DGUOK: variants seen among roughly 807,000 people sequenced by gnomAD.
The protein encoded by DGUOK is deoxyguanosine kinase, also known as deoxyguanosine kinase, mitochondrial.
A neutral mutation model predicts 36.6 loss-of-function variants in DGUOK; 30 were observed. That is an observed-to-expected ratio of 0.82 (90% CI 0.61 to 1.11). DGUOK has a LOEUF of 1.11. Ranked by LOEUF, DGUOK falls within the 50% of genes most tolerant of loss-of-function variation. The probability of loss-of-function intolerance (pLI) is 0.00; values close to 1 mark genes in which losing one functional copy is unlikely to be tolerated. For synonymous variants in DGUOK, 145 were observed against 126.3 expected (o/e 1.15, Z -0.99); for missense variants, 361 against 336.4 (o/e 1.07, Z -0.57).
intron 1 of DGUOK, among the ~76,000 whole-genome samples, chr2:73,930,794 CTTT>C (rs1028341314): frequency 0.022 from 798 of 35,666 alleles, 5 homozygotes; most frequent in Non-Finnish European, 0.049. Flanking sequence ...TTTTTTTTTT[CTTT>C]TTTTTTTTTT....
intron 1 of DGUOK, among the ~76,000 whole-genome samples, chr2:73,930,794 CTT>C (rs1028341314): frequency 3.3e-3 from 119 of 35,686 alleles, no homozygotes; most frequent in African/African-American, 7.6e-3. Context: ...TTTTTTTTTT[CTT>C]TTTTTTTTTT....
At chr2:73,929,487 G>A (rs1200708831) in intron 1 of DGUOK, among the ~76,000 whole-genome samples, 1 of 152,100 alleles carries the variant, frequency 6.6e-6, no homozygotes, top group African/African-American at 2.4e-5. Flanking sequence ...TCAGAATTAG[G>A]GTCTCCCCGG....
intron 1 of DGUOK, among the ~76,000 whole-genome samples, chr2:73,937,980 A>G (rs568259772): frequency 1.3e-5 from 2 of 152,232 alleles, no homozygotes; most frequent in African/African-American, 2.4e-5. Flanking sequence ...TAATTTTCCT[A>G]CTTAAAACCA....
intron 2 of DGUOK, 78 bp from the exon 3 acceptor site, chr2:73,946,641 G>T: frequency 7.9e-7 from 1 of 1,267,608 alleles, no homozygotes; most frequent in South Asian, 1.2e-5. Flanking sequence ...GGGAGGTAGG[G>T]GTGTGTGTGG....
intron 1 of DGUOK, among the ~76,000 whole-genome samples, chr2:73,930,090 A>G (rs1378439378): frequency 6.6e-6 from 1 of 152,226 alleles, no homozygotes. Context: ...AGTCTTAGCT[A>G]GGAGCACAAT....
At chr2:73,948,802 C>CAG (rs1475264738) in intron 3 of DGUOK, among the ~76,000 whole-genome samples, 1 of 152,200 alleles carries the variant, frequency 6.6e-6, no homozygotes, top group African/African-American at 2.4e-5. Flanking sequence ...ATTCAGTCTG[C>CAG]AGTACTTCCC....
chr2:73,943,736 G>A (rs370001106), intron 2 of DGUOK, among the ~76,000 whole-genome samples: 1 of 150,924 alleles, frequency 6.6e-6, no homozygotes, highest in African/African-American at 2.4e-5. Flanking sequence ...TGTAACCTCC[G>A]CCTCCCAGGT....
chr2:73,937,630 A>G (rs529388498), intron 1 of DGUOK, among the ~76,000 whole-genome samples: 11 of 152,302 alleles, frequency 7.2e-5, no homozygotes, highest in South Asian at 4.1e-4. Context: ...AGGAAGCTCA[A>G]TTTGGTGGGA....
intron 4 of DGUOK, among the ~76,000 whole-genome samples, chr2:73,951,501 C>T (rs1211501299): frequency 6.6e-6 from 1 of 151,750 alleles, no homozygotes; most frequent in African/African-American, 2.4e-5. Context: ...TTGAGATATA[C>T]ATCCAATATA....
intron 1 of DGUOK, among the ~76,000 whole-genome samples, chr2:73,927,544 A>G (rs80116326): frequency 5.3e-4 from 81 of 152,332 alleles, no homozygotes; most frequent in African/African-American, 1.9e-3. Flanking sequence ...TGTGTCCTGT[A>G]TTTTATCTGG....
intron 2 of DGUOK, among the ~76,000 whole-genome samples, chr2:73,943,323 ATT>A (rs11306613): frequency 9.1e-5 from 13 of 142,710 alleles, no homozygotes; most frequent in Non-Finnish European, 1.1e-4. Context: ...CTACTTAAAA[ATT>A]TTTTTTTTTT....
In DGUOK at chr2:73,958,145, G is replaced by A. The variant is rs1049531836; in HGVS notation, c.708-1G>A. Reference sequence around the variant, plus strand: ...CCCCCAAACGTTCACGCTTCTTATAGGCTCCACTTTGAGGCTCTGATGAAC... The same window carrying A: ...CCCCCAAACGTTCACGCTTCTTATAAGCTCCACTTTGAGGCTCTGATGAAC... On this transcript the variant is annotated splice_acceptor_variant, in intron 5 of 6. Transcript: ENST00000264093. LOFTEE classifies it high-confidence loss of function. The A allele has an allele frequency of 1.9e-6, 3 of 1,612,944 alleles. No homozygotes were observed. The highest frequency in any genetic ancestry group is 2.5e-6 in the Non-Finnish European group (3 of 1,179,284).
rs535847274 is a variant in DGUOK at position 73,931,331 on chromosome 2, G to A, written c.142+4279G>A. 7.2e-5 allele frequency among the ~76,000 whole-genome samples: 11 copies of A among 152,284 alleles called. No homozygotes were observed. In the South Asian group the frequency reaches 2.3e-3, roughly 32 times the overall value. The stretch of plus-strand genomic sequence containing the variant: ...ATTCTGTCACCCAGGCTGGAGTGCA[G>A]TGGTGTGATCTCATCTCACTGCAAC... On this transcript the variant is annotated intron_variant, in intron 1 of 6. Coordinates refer to ENST00000264093, the MANE Select transcript of DGUOK (RefSeq NM_080916.3).
Position 73,958,184 on chromosome 2 carries a change from T to C in DGUOK, c.746T>C (p.Val249Ala). ...FEALMNIPVL[V>A]LDVNDDFSEE... ...GCTCTGATGAACATTCCAGTGCTGGTGTTGGATGTCAATGATGATTTTTCT... is the reference window on the plus strand; with the variant it reads ...GCTCTGATGAACATTCCAGTGCTGGCGTTGGATGTCAATGATGATTTTTCT... Residue 249 changes from valine (V) to alanine (A), a missense_variant, in exon 6 of 7, where the codon GTG becomes GCG. Physicochemically the swap from Val to Ala is moderately conservative, Grantham distance 64. Coordinates refer to ENST00000264093, the MANE Select transcript of DGUOK (RefSeq NM_080916.3). 1 of 1,613,854 alleles carries C rather than the reference T, an allele frequency of 6.2e-7. No individual in the cohort carries two copies.
chr2:73,932,981 G>T (rs948244186), intron 1 of DGUOK, among the ~76,000 whole-genome samples: 7 of 152,126 alleles, frequency 4.6e-5, no homozygotes, highest in African/African-American at 1.7e-4. Flanking sequence ...TTGAAGAAAA[G>T]ATTGCTGTAT....
At chr2:73,956,807 G>A (rs915931471) in intron 4 of DGUOK, among the ~76,000 whole-genome samples, 9 of 152,206 alleles carry the variant, frequency 5.9e-5, no homozygotes, top group African/African-American at 2.2e-4. Flanking sequence ...AGATGAAAGA[G>A]AATTGAGTGA....
chr2:73,942,736 A>G (rs1395693160), intron 2 of DGUOK, among the ~76,000 whole-genome samples: 1 of 152,222 alleles, frequency 6.6e-6, no homozygotes, highest in Non-Finnish European at 1.5e-5. Flanking sequence ...CCAGAGCAAT[A>G]TAAACTAATA....
Position 73,946,922 on chromosome 2 carries a change from C to G in DGUOK, c.443+16C>G, listed in dbSNP as rs767770283. ...ACAGTGACAGGTAAAATGCCAAGCC[C>G]TCCACCAGTCACAAGCCCCATGCTC... On this transcript the variant is annotated intron_variant, in intron 3 of 6. Coordinates refer to ENST00000264093, the MANE Select transcript of DGUOK (RefSeq NM_080916.3). 14 of 1,601,958 alleles carry G rather than the reference C, an allele frequency of 8.7e-6. No homozygotes were observed. The highest frequency in any genetic ancestry group is 6.7e-5 in the East Asian group (3 of 44,582).
intron 2 of DGUOK, among the ~76,000 whole-genome samples, chr2:73,942,242 T>C (rs1014079748): frequency 6.6e-6 from 1 of 152,214 alleles, no homozygotes; most frequent in African/African-American, 2.4e-5. Context: ...GTATATAATA[T>C]ATTTTTACAA....
Sources: allele counts gnomAD v4.1 joint callset (sites outside exome capture counted in the v4.1 genomes callset), GRCh38; gene constraint gnomAD v4.1.1; transcripts MANE v1.5; gene names NCBI Gene and HGNC (gene_info 2026-07-23, HGNC 2026-07-21).